The following ADCY9 variants were observed in gnomAD, a reference collection of about 807,000 sequenced individuals.
ADCY9 encodes the protein adenylate cyclase type 9.
ADCY9 carries 50 observed loss-of-function variants against 101.5 expected under a neutral mutation model. That is an observed-to-expected ratio of 0.49 (90% confidence interval 0.39 to 0.62). The LOEUF (loss-of-function observed/expected upper bound fraction) is 0.62. Ranked by LOEUF, ADCY9 falls within the 20% of genes least tolerant of loss-of-function variation. The pLI is 0.00. For synonymous variants in ADCY9, 905 were observed against 769.3 expected, an observed-to-expected ratio of 1.18 and a Z score of -2.92; for missense variants, 1,662 against 1,800.4, an observed-to-expected ratio of 0.92 and a Z score of 1.39.
At chr16:4,086,479 G>C (rs1045222382) in intron 2 of ADCY9, among the ~76,000 whole-genome samples, 1 of 152,192 alleles carries the variant, frequency 6.6e-6, no homozygotes, top group East Asian at 1.9e-4. Flanking sequence ...ACCCAGGAGG[G>C]ATCATGGACG....
Position 3,992,165 on chromosome 16 carries a change from C to T in ADCY9, c.2188G>A (p.Asp730Asn). ...IREKTDAHFV[D>N]VIKEDSLMKD... is the part of the protein sequence containing the mutation. ...TCGTACCTGTCTTCTTTGATAACGT[C>T]CACAAAGTGGGCGTCCGTTTTCTCC... The change falls in exon 5 of 11, where the codon GAC (aspartate) becomes AAC (asparagine). Residue 730 changes from aspartate to asparagine, a missense_variant. Transcript: ENST00000294016. This position sits in a 1 kb window ranked among gnomAD's most constrained non-coding sequence, Gnocchi z 4.2. 5.6e-6 allele frequency: 9 copies of T among 1,614,206 alleles called. No individual in the cohort carries two copies. The highest frequency in any genetic ancestry group is 7.6e-6 in the Non-Finnish European group (9 of 1,180,032).
At chr16:4,020,446 C>G (rs1395362804) in intron 2 of ADCY9, among the ~76,000 whole-genome samples, 1 of 152,130 alleles carries the variant, frequency 6.6e-6, no homozygotes, top group East Asian at 1.9e-4. Flanking sequence ...TAAGTATTCA[C>G]TGTTATTTAT....
chr16:3,987,637 T>C (rs1352305654), intron 6 of ADCY9, among the ~76,000 whole-genome samples: 1 of 152,208 alleles, frequency 6.6e-6, no homozygotes, highest in Non-Finnish European at 1.5e-5. Context: ...TTAACGGATA[T>C]TCACTGTCCC....
chr16:3,972,189 A>G (rs1005436506), intron 10 of ADCY9, among the ~76,000 whole-genome samples: 1 of 152,048 alleles, frequency 6.6e-6, no homozygotes, highest in Non-Finnish European at 1.5e-5. Flanking sequence ...TCCTAAATTC[A>G]AATAGCAAAG....
intron 7 of ADCY9, among the ~76,000 whole-genome samples, chr16:3,980,649 A>C (rs573582927): frequency 1.4e-4 from 21 of 152,330 alleles, no homozygotes; most frequent in African/African-American, 4.3e-4. Flanking sequence ...CTCTCCAGCC[A>C]TTCCCCACAT....
At chr16:4,080,881 A>G (rs970431087) in intron 2 of ADCY9, among the ~76,000 whole-genome samples, 1 of 152,110 alleles carries the variant, frequency 6.6e-6, no homozygotes, top group African/African-American at 2.4e-5. Context: ...AAAATCTCAC[A>G]TAGAAATGCC....
chr16:4,070,669 AG>A (rs1440911834), intron 2 of ADCY9, among the ~76,000 whole-genome samples: 1 of 151,972 alleles, frequency 6.6e-6, no homozygotes, highest in Non-Finnish European at 1.5e-5. Flanking sequence ...AAAAAAGCGA[AG>A]TGCAGTGGCT....
chr16:3,974,346 T>A (rs1416572277), intron 10 of ADCY9, among the ~76,000 whole-genome samples: 1 of 152,270 alleles, frequency 6.6e-6, no homozygotes, highest in African/African-American at 2.4e-5. Context: ...GCCTGGCTGA[T>A]TTCAAGTCGG....
chr16:4,092,705 C>T (rs954029873), intron 2 of ADCY9, among the ~76,000 whole-genome samples: 9 of 152,184 alleles, frequency 5.9e-5, no homozygotes, highest in Admixed American at 2.0e-4. Context: ...ACATCCTGAA[C>T]GCCTGTACCT....
intron 2 of ADCY9, among the ~76,000 whole-genome samples, chr16:4,108,351 C>T (rs536937231): frequency 0.011 from 1,452 of 129,548 alleles, 23 homozygotes; most frequent in African/African-American, 0.039. Flanking sequence ...TTAATCAGAC[C>T]GTTTCTTCAT....
rs1297139350 is a variant in ADCY9, at chr16:3,963,453, G to T, written c.*2322C>A. 3 of 397,242 alleles carry T rather than the reference G, an allele frequency of 7.6e-6. No individual in the cohort carries two copies. The highest frequency in any genetic ancestry group is 2.1e-5 in the African/African-American group (1 of 48,502). 24.6% of individuals were successfully genotyped at this position (397,242 alleles called of 1,614,324 possible). ...ACGGGGAGGACCCGAGGGGCTTCGT[G>T]GCCCAGAGAGAACGTCTGCACTGGC... On this transcript the variant is annotated 3_prime_UTR_variant, in exon 11 of 11. Transcript: ENST00000294016.
intron 2 of ADCY9, among the ~76,000 whole-genome samples, chr16:4,106,858 C>A (rs1033883114): frequency 2.0e-5 from 3 of 152,204 alleles, no homozygotes; most frequent in Admixed American, 2.0e-4. Context: ...TACTATCTCA[C>A]CAAGCTGGCC....
chr16:4,082,796 T>C (rs996830986), intron 2 of ADCY9, among the ~76,000 whole-genome samples: 1 of 152,196 alleles, frequency 6.6e-6, no homozygotes, highest in Non-Finnish European at 1.5e-5. Context: ...CCGCAGTAAG[T>C]AGCTGGAGCA....
At chr16:4,003,563 C>CA (rs2056346242) in intron 3 of ADCY9, among the ~76,000 whole-genome samples, 1 of 124,488 alleles carries the variant, frequency 8.0e-6, no homozygotes, top group Non-Finnish European at 1.7e-5. Flanking sequence ...TCTTTCTTTT[C>CA]TTTTTTTTTT....
chr16:3,988,304 G>T (rs1174265709), intron 6 of ADCY9, among the ~76,000 whole-genome samples: 1 of 152,000 alleles, frequency 6.6e-6, no homozygotes, highest in African/African-American at 2.4e-5. Flanking sequence ...CGGAGTTAGA[G>T]AGAGAGGTGA....
At position 4,091,490 on chromosome 16, in the gene ADCY9, C is replaced by T. The variant is rs181057539; in HGVS notation, c.1693+22260G>A. ...CCAAAGAACTGAGAAAACAGATACT[C>T]AAACAAAAACGTGTACACGAGTGTT... On this transcript the variant is annotated intron_variant, in intron 2 of 10. Transcript: ENST00000294016. 5.9e-5 allele frequency among the ~76,000 whole-genome samples: 9 copies of T among 152,302 alleles called. No individual in the cohort carries two copies. The East Asian group carries it at 1.5e-3, about 26-fold the overall frequency.
At chr16:3,977,363 T>C (rs1177312583) in intron 9 of ADCY9, 119 bp downstream of exon 9, 3 of 1,337,920 alleles carry the variant, frequency 2.2e-6, no homozygotes, top group Non-Finnish European at 3.0e-6. Context: ...TTTTGGGTCA[T>C]GATGGGAAAT....
chr16:4,114,415 G>T lies in ADCY9; in HGVS notation c.1028C>A (p.Ala343Asp). The T allele has an allele frequency of 6.2e-7, 1 of 1,614,114 alleles. No homozygotes were observed. Among genetic ancestry groups the T allele is most frequent in the Non-Finnish European group, 8.5e-7 (1 of 1,180,032 alleles). The change falls in exon 2 of 11, where the codon GCC becomes GAC. Residue 343 changes from alanine (A) to aspartate (D), a missense_variant. Coordinates refer to ENST00000294016, the MANE Select transcript of ADCY9 (RefSeq NM_001116.4). The surrounding 1 kb of genome is among the most constrained non-coding windows in gnomAD (Gnocchi z 4.3). ...ATCTCCCTGCTTCATTAAGTCATCGGCTATGATTCTTGGCATCACGGAATG... is the reference window on the plus strand; with the variant it reads ...ATCTCCCTGCTTCATTAAGTCATCGTCTATGATTCTTGGCATCACGGAATG... Reference protein sequence around the residue: ...MIHSVMPRIIADDLMKQGDEE... With the variant: ...MIHSVMPRIIDDDLMKQGDEE...
intron 3 of ADCY9, among the ~76,000 whole-genome samples, chr16:4,000,968 TACACACACACAC>T (rs141254290): frequency 8.8e-5 from 11 of 125,258 alleles, no homozygotes; most frequent in East Asian, 4.9e-4. Flanking sequence ...TCCCTCTCTC[TACACACACACAC>T]ACACACACAC....
Sources: allele counts gnomAD v4.1 joint callset (sites outside exome capture counted in the v4.1 genomes callset), GRCh38; gene constraint gnomAD v4.1.1; non-coding constraint Gnocchi (gnomAD v3.1); transcripts MANE v1.5; gene names NCBI Gene and HGNC (gene_info 2026-07-23, HGNC 2026-07-21).